Variants in MARCHF6 observed in about 807,000 individuals in gnomAD.
MARCHF6 encodes the protein membrane associated ring-CH-type finger 6.
In MARCHF6, 31 loss-of-function variants were observed where a neutral mutation model predicts 133.7. The ratio of observed to expected loss-of-function variants is 0.23; its 90% confidence interval spans 0.17 to 0.31. MARCHF6 has a LOEUF of 0.31. Ranked by LOEUF, MARCHF6 falls within the 10% of genes least tolerant of loss-of-function variation. The pLI is 1.00. For synonymous variants in MARCHF6, 395 were observed against 402.5 expected (o/e 0.98, Z 0.22); for missense variants, 723 against 1,121.6 (o/e 0.64, Z 5.08).
At chr5:10,364,012 T>A (rs116703253) in intron 1 of MARCHF6, among the ~76,000 whole-genome samples, 4,870 of 152,328 alleles carry the variant, frequency 0.032, 253 homozygotes, top group African/African-American at 0.11. Context: ...GATGATAATG[T>A]TCTAAAAGAT....
chr5:10,389,352 A>G (rs927376875), intron 5 of MARCHF6, among the ~76,000 whole-genome samples: 1 of 152,178 alleles, frequency 6.6e-6, no homozygotes, highest in Non-Finnish European at 1.5e-5. Context: ...AAACTAATAC[A>G]CTTTTGGTAT....
chr5:10,366,283 A>G (rs1434559274), intron 1 of MARCHF6, among the ~76,000 whole-genome samples: 3 of 152,220 alleles, frequency 2.0e-5, no homozygotes, highest in African/African-American at 2.4e-5. Flanking sequence ...CACCATTTAT[A>G]TAGCCGCTTC....
intron 21 of MARCHF6, among the ~76,000 whole-genome samples, 154 bp from the exon 22 acceptor site, chr5:10,417,116 C>T (rs1412390265): frequency 6.6e-6 from 1 of 152,212 alleles, no homozygotes; most frequent in Admixed American, 6.5e-5. Flanking sequence ...GACTTGAGTA[C>T]CTGCAGATTT....
At chr5:10,406,544 C>G (rs1216171107) in intron 16 of MARCHF6, among the ~76,000 whole-genome samples, 2 of 151,922 alleles carry the variant, frequency 1.3e-5, no homozygotes, top group Non-Finnish European at 2.9e-5. Context: ...CGCCCACCAC[C>G]AAGCTCAGCT....
chr5:10,394,812 T>A (rs751578791), intron 9 of MARCHF6, 27 bp downstream of exon 9: 1 of 1,497,296 alleles, frequency 6.7e-7, no homozygotes. Context: ...TTTTTTTTTT[T>A]TTTTTGAGAC....
At chr5:10,364,027 G>A (rs1032127505) in intron 1 of MARCHF6, among the ~76,000 whole-genome samples, 2 of 152,212 alleles carry the variant, frequency 1.3e-5, no homozygotes, top group Non-Finnish European at 2.9e-5. Context: ...AAAGATTATG[G>A]TGATGGTTGC....
At chr5:10,375,767 C>A (rs2126684914) in intron 1 of MARCHF6, among the ~76,000 whole-genome samples, 1 of 151,644 alleles carries the variant, frequency 6.6e-6, no homozygotes, top group African/African-American at 2.4e-5. Flanking sequence ...CTTGGAGAAC[C>A]TTTATGTCTA....
At chr5:10,424,617 G>A (rs995134285) in intron 23 of MARCHF6, among the ~76,000 whole-genome samples, 4 of 152,076 alleles carry the variant, frequency 2.6e-5, no homozygotes, top group African/African-American at 7.2e-5. Flanking sequence ...AGTAGCTTAC[G>A]GTATCTAGAA....
intron 15 of MARCHF6, among the ~76,000 whole-genome samples, chr5:10,404,151 T>G (rs956587082): frequency 2.0e-5 from 3 of 151,890 alleles, no homozygotes; most frequent in African/African-American, 7.3e-5. Flanking sequence ...TCTTGGAACC[T>G]CCACCTCCCA....
intron 1 of MARCHF6, among the ~76,000 whole-genome samples, chr5:10,373,999 C>A (rs1333004012): frequency 3.3e-5 from 5 of 151,834 alleles, no homozygotes; most frequent in Non-Finnish European, 4.4e-5. Flanking sequence ...CCACCATGGC[C>A]CTGTCACTCT....
rs1227817937 is a variant in MARCHF6, at chr5:10,378,843, T to C, written c.190+11T>C. On this transcript the variant is annotated intron_variant, in intron 3 of 25. Transcript: ENST00000274140. ...TTGCTTTTACACCAAGTAAGTTCTTTAGACATTTTCACTGCATTTTTTTTG... is the reference window on the plus strand; with the variant it reads ...TTGCTTTTACACCAAGTAAGTTCTTCAGACATTTTCACTGCATTTTTTTTG... The C allele has an allele frequency of 3.1e-6, 5 of 1,593,184 alleles. No homozygotes were observed. Among genetic ancestry groups the C allele is most frequent in the Non-Finnish European group, 4.3e-6 (5 of 1,163,770 alleles).
chr5:10,364,004 T>C (rs1336458191), intron 1 of MARCHF6, among the ~76,000 whole-genome samples: 1 of 152,232 alleles, frequency 6.6e-6, no homozygotes, highest in Non-Finnish European at 1.5e-5. Flanking sequence ...TTTGGGATGA[T>C]GATAATGTTC....
intron 1 of MARCHF6, among the ~76,000 whole-genome samples, chr5:10,358,375 A>G (rs1028317826): frequency 6.6e-6 from 1 of 152,218 alleles, no homozygotes; most frequent in Non-Finnish European, 1.5e-5. Flanking sequence ...GACGTGAGAC[A>G]TAAATTGTCT....
intron 1 of MARCHF6, among the ~76,000 whole-genome samples, chr5:10,370,620 T>C: frequency 6.6e-6 from 1 of 152,204 alleles, no homozygotes; most frequent in Non-Finnish European, 1.5e-5. Flanking sequence ...GATCTTTTGC[T>C]GATTTTTTTT....
intron 15 of MARCHF6, among the ~76,000 whole-genome samples, chr5:10,404,891 T>C (rs532766256): frequency 2.0e-5 from 3 of 152,346 alleles, no homozygotes; most frequent in Non-Finnish European, 4.4e-5. Flanking sequence ...AATGTAATTA[T>C]ATGTGAACTC....
chr5:10,390,818 T>G (rs1737783460), intron 6 of MARCHF6, among the ~76,000 whole-genome samples: 1 of 152,216 alleles, frequency 6.6e-6, no homozygotes, highest in African/African-American at 2.4e-5. Context: ...AGAGCATGTA[T>G]GTATATATGT....
chr5:10,357,099 T>C (rs1450858872), intron 1 of MARCHF6, among the ~76,000 whole-genome samples: 1 of 152,208 alleles, frequency 6.6e-6, no homozygotes, highest in Non-Finnish European at 1.5e-5. Flanking sequence ...ACTTCAGAGC[T>C]ATAGGAGACC....
chr5:10,409,542 C>G (rs1192988542), intron 17 of MARCHF6, among the ~76,000 whole-genome samples: 1 of 152,178 alleles, frequency 6.6e-6, no homozygotes, highest in Non-Finnish European at 1.5e-5. Flanking sequence ...GAGCCACCTC[C>G]TAGAGAGTCT....
intron 7 of MARCHF6, among the ~76,000 whole-genome samples, chr5:10,392,110 C>T (rs1263821323): frequency 6.6e-6 from 1 of 152,074 alleles, no homozygotes; most frequent in African/African-American, 2.4e-5. Context: ...AGGCGCTCGC[C>T]ACCACGCCCG....
Sources: gnomAD v4.1 joint callset for allele counts (sites outside exome capture counted in the v4.1 genomes callset) on GRCh38, gnomAD v4.1.1 for gene constraint, MANE v1.5 for transcripts, NCBI Gene and HGNC (gene_info 2026-07-23, HGNC 2026-07-21) for gene names.